The following MTUS2 variants were observed in gnomAD, a reference collection of about 807,000 sequenced individuals.
MTUS2 encodes microtubule associated scaffold protein 2.
In MTUS2, 40 loss-of-function variants were observed where a neutral mutation model predicts 114.1. The ratio of observed to expected loss-of-function variants is 0.35; its 90% CI spans 0.27 to 0.46. The LOEUF is 0.46. Ranked by LOEUF, MTUS2 falls within the 20% of genes least tolerant of loss-of-function variation. MTUS2 has a pLI of 1.00. For synonymous variants in MTUS2, 688 were observed against 672.0 expected (o/e 1.02, Z -0.37); for missense variants, 1,679 against 1,705.4 (o/e 0.98, Z 0.27).
chr13:29,462,590 G>A (rs1233701058), intron 9 of MTUS2, among the ~76,000 whole-genome samples: 1 of 152,172 alleles, frequency 6.6e-6, no homozygotes, highest in African/African-American at 2.4e-5. Context: ...CCTGATTGCA[G>A]TAATTTGAAA....
rs546290422 is a variant in MTUS2, at chr13:29,092,229, T to C, written c.2447-8544T>C. The stretch of plus-strand genomic sequence containing the variant: ...TCTCTTTCTGTTTGGTGTGCGTTCC[T>C]CTGATTGATTCTAACCCTTCACCCA... On this transcript the variant is annotated intron_variant, in intron 4 of 15. Transcript: ENST00000612955. Among the ~76,000 whole-genome samples, 34 of 152,376 alleles carry C rather than the reference T, an allele frequency of 2.2e-4. No individual in the cohort carries two copies. In the South Asian group the frequency reaches 6.4e-3, roughly 29 times the overall value.
intron 2 of MTUS2, among the ~76,000 whole-genome samples, chr13:28,969,739 A>C (rs1255825169): frequency 6.6e-6 from 1 of 151,456 alleles, no homozygotes; most frequent in Non-Finnish European, 1.5e-5. Context: ...TCTTGACCTC[A>C]TGACCTACCC....
At chr13:29,067,833 A>G (rs1301380289) in intron 4 of MTUS2, among the ~76,000 whole-genome samples, 2 of 152,186 alleles carry the variant, frequency 1.3e-5, no homozygotes, top group African/African-American at 4.8e-5. Flanking sequence ...TTGAGGTCAC[A>G]TGCAGAAGGG....
At chr13:29,192,644 AC>A in intron 5 of MTUS2, among the ~76,000 whole-genome samples, 1 of 152,210 alleles carries the variant, frequency 6.6e-6, no homozygotes, top group Non-Finnish European at 1.5e-5. Context: ...ACCACTGTGT[AC>A]CCCATAAATG....
In MTUS2 at chr13:28,997,354, A is replaced by G. The variant is rs551662567; in HGVS notation, c.-242-27103A>G. ...TTGGGATAGGTGTGGTGCTGAAAAA[A>G]ATGTATATTCTGTTGATTTGGGGTG... On this transcript the variant is annotated intron_variant, in intron 2 of 15. Coordinates refer to ENST00000612955, the MANE Select transcript of MTUS2 (RefSeq NM_001033602.4). 4.6e-5 allele frequency among the ~76,000 whole-genome samples: 7 copies of G among 152,302 alleles called. 1 individual carries two copies. Among genetic ancestry groups the G allele is most frequent in the South Asian group, 4.1e-4 (2 of 4,820 alleles).
chr13:29,477,359 C>T (rs928123000), intron 9 of MTUS2, among the ~76,000 whole-genome samples: 4 of 152,220 alleles, frequency 2.6e-5, no homozygotes, highest in East Asian at 1.9e-4. Flanking sequence ...GAGCTTTGTT[C>T]GCTAGCTCAA....
At chr13:28,980,970 T>C (rs986741830) in intron 2 of MTUS2, among the ~76,000 whole-genome samples, 7 of 152,262 alleles carry the variant, frequency 4.6e-5, no homozygotes, top group African/African-American at 1.7e-4. Flanking sequence ...ATCTGGGACA[T>C]GTCTTGACTT....
At chr13:29,344,460 A>G (rs1868467432) in intron 7 of MTUS2, among the ~76,000 whole-genome samples, 1 of 152,150 alleles carries the variant, frequency 6.6e-6, no homozygotes, top group Non-Finnish European at 1.5e-5. Context: ...TGATATAACA[A>G]TAGCTACTCC....
intron 2 of MTUS2, among the ~76,000 whole-genome samples, chr13:28,945,571 G>A (rs1882482710): frequency 6.6e-6 from 1 of 152,096 alleles, no homozygotes; most frequent in Admixed American, 6.6e-5. Flanking sequence ...CATTTCTGAT[G>A]ATTAGTGACG....
intron 8 of MTUS2, among the ~76,000 whole-genome samples, chr13:29,410,347 G>A (rs1386038422): frequency 2.0e-5 from 3 of 152,032 alleles, no homozygotes; most frequent in African/African-American, 7.2e-5. Context: ...GGCTGGTCTT[G>A]AACTCCTGAC....
intron 5 of MTUS2, among the ~76,000 whole-genome samples, chr13:29,280,646 T>G (rs1898231492): frequency 6.6e-6 from 1 of 152,188 alleles, no homozygotes; most frequent in South Asian, 2.1e-4. Flanking sequence ...ATTTAATCCT[T>G]TACTAAAATA....
At chr13:29,126,343 C>T (rs950498986) in intron 5 of MTUS2, among the ~76,000 whole-genome samples, 20 of 152,094 alleles carry the variant, frequency 1.3e-4, no homozygotes, top group African/African-American at 4.1e-4. Context: ...AACCTACAGC[C>T]GTATTTCCCA....
chr13:29,470,045 C>T (rs1299612450), intron 9 of MTUS2, among the ~76,000 whole-genome samples: 1 of 152,080 alleles, frequency 6.6e-6, no homozygotes, highest in African/African-American at 2.4e-5. Context: ...ATCCCAGACT[C>T]CTAATGCCCA....
chr13:29,377,998 A>T (rs1219279377), intron 8 of MTUS2, among the ~76,000 whole-genome samples: 2 of 152,226 alleles, frequency 1.3e-5, no homozygotes, highest in African/African-American at 4.8e-5. Context: ...GAACATGCTG[A>T]GTGAAAGAAG....
intron 5 of MTUS2, among the ~76,000 whole-genome samples, chr13:29,142,721 A>C (rs1488978754): frequency 6.6e-6 from 1 of 152,122 alleles, no homozygotes; most frequent in African/African-American, 2.4e-5. Context: ...AAACAAAAAC[A>C]AAAAAAGAAG....
At chr13:29,350,053 C>T (rs1183667621) in intron 7 of MTUS2, among the ~76,000 whole-genome samples, 1 of 152,034 alleles carries the variant, frequency 6.6e-6, no homozygotes, top group Non-Finnish European at 1.5e-5. Flanking sequence ...CTGTTCATTT[C>T]TTTGAGTATT....
intron 10 of MTUS2, among the ~76,000 whole-genome samples, chr13:29,484,656 T>A (rs1881459661): frequency 6.6e-6 from 1 of 152,054 alleles, no homozygotes; most frequent in Non-Finnish European, 1.5e-5. Context: ...TGGGAGAGAG[T>A]GGGCCTGGGC....
chr13:29,474,215 A>G (rs182362415), intron 9 of MTUS2, among the ~76,000 whole-genome samples: 75 of 152,302 alleles, frequency 4.9e-4, no homozygotes, highest in Admixed American at 4.8e-3. Context: ...AGGTGTACCC[A>G]GTTTGTGATT....
chr13:29,031,458 G>T (rs984551755), intron 3 of MTUS2, among the ~76,000 whole-genome samples: 2 of 151,820 alleles, frequency 1.3e-5, no homozygotes, highest in African/African-American at 4.8e-5. Context: ...TAAGAAATTG[G>T]CTCATGATTG....
Sources: allele counts gnomAD v4.1 joint callset (sites outside exome capture counted in the v4.1 genomes callset), GRCh38; gene constraint gnomAD v4.1.1; transcripts MANE v1.5; gene names NCBI Gene and HGNC (gene_info 2026-07-23, HGNC 2026-07-21).